ZNF451: variants seen among roughly 807,000 people sequenced by gnomAD.
The protein encoded by ZNF451 is zinc finger protein 451.
ZNF451 carries 80 observed loss-of-function variants against 107.1 expected under a neutral mutation model. The ratio of observed to expected loss-of-function variants is 0.75; its 90% CI spans 0.62 to 0.90. The LOEUF is 0.90. ZNF451 is among the 40% of genes least tolerant of loss of function. ZNF451 has a pLI of 0.00. For synonymous variants in ZNF451, 362 were observed against 406.5 expected (o/e 0.89, Z 1.32); for missense variants, 1,107 against 1,236.2 (o/e 0.90, Z 1.57).
chr6:57,122,569 T>C (rs892102759), intron 3 of ZNF451, among the ~76,000 whole-genome samples: 25 of 152,162 alleles, frequency 1.6e-4, no homozygotes, highest in Admixed American at 4.6e-4. Context: ...GCAAAGGCCA[T>C]GAACAGACAC....
intron 5 of ZNF451, among the ~76,000 whole-genome samples, chr6:57,132,691 G>GGAA (rs1831238486): frequency 6.6e-6 from 1 of 151,652 alleles, no homozygotes; most frequent in East Asian, 1.9e-4. Flanking sequence ...TAAAGAAAAG[G>GGAA]ATTTTTTTTC....
At position 57,133,242 on chromosome 6, in the gene ZNF451, A is replaced by G. The variant is rs764090548; in HGVS notation, c.575+50A>G. 4 of 1,543,068 alleles carry G rather than the reference A, an allele frequency of 2.6e-6. No individual in the cohort carries two copies. In the Admixed American group the frequency reaches 5.2e-5, roughly 20 times the overall value. Reference sequence around the variant, plus strand: ...AATGCTGAAGATCTAGTGAGCTACCAAGTGATTTCATAAAATGAAAGCGTA... The same window carrying G: ...AATGCTGAAGATCTAGTGAGCTACCGAGTGATTTCATAAAATGAAAGCGTA... On this transcript the variant is annotated intron_variant, in intron 6 of 14. Coordinates refer to ENST00000370706, the MANE Select transcript of ZNF451 (RefSeq NM_001031623.3).
chr6:57,099,725 A>G (rs1322504214), intron 3 of ZNF451: 1 of 498,918 alleles, frequency 2.0e-6, no homozygotes, highest in African/African-American at 1.9e-5. Flanking sequence ...CTGAGAATTG[A>G]ACTAGTTGAG....
At chr6:57,135,452 T>A (rs940148166) in intron 7 of ZNF451, among the ~76,000 whole-genome samples, 3 of 152,036 alleles carry the variant, frequency 2.0e-5, no homozygotes, top group African/African-American at 4.8e-5. Flanking sequence ...TTATGAAAAA[T>A]TTTTAAAATA....
chr6:57,154,441 A>G (rs879164601), intron 13 of ZNF451: 24 of 296,748 alleles, frequency 8.1e-5, no homozygotes, highest in African/African-American at 4.6e-4. Context: ...CCAGAAAGCA[A>G]TAACAAAGGT....
At chr6:57,128,669 T>C (rs1831039687) in intron 4 of ZNF451, 60 bp from the exon 5 acceptor site, 1 of 1,155,122 alleles carries the variant, frequency 8.7e-7, no homozygotes, top group Admixed American at 2.0e-5. Flanking sequence ...TGTGTCAAAA[T>C]CCTTTTCTCA....
intron 3 of ZNF451, chr6:57,114,779 G>C (rs1830284080): frequency 6.6e-6 from 1 of 152,056 alleles, no homozygotes; most frequent in African/African-American, 2.4e-5. Context: ...TCTTTGTATA[G>C]TCTTCTTCAT....
intron 3 of ZNF451, among the ~76,000 whole-genome samples, chr6:57,110,274 A>G (rs1483702542): frequency 6.6e-6 from 1 of 152,154 alleles, no homozygotes; most frequent in Non-Finnish European, 1.5e-5. Flanking sequence ...ATGATGATAA[A>G]TTATCTGTGA....
At position 57,124,225 on chromosome 6, in the gene ZNF451, T is replaced by C. The variant is rs1244930014; in HGVS notation, c.187-509T>C. ...ATCATGAGTGGGTGCTGGATTTTGTTAAATGCTTTTTCTGCATCTATTAAT... is the reference window on the plus strand; with the variant it reads ...ATCATGAGTGGGTGCTGGATTTTGTCAAATGCTTTTTCTGCATCTATTAAT... On this transcript the variant is annotated intron_variant, in intron 3 of 14. Coordinates refer to ENST00000370706, the MANE Select transcript of ZNF451 (RefSeq NM_001031623.3). Among the ~76,000 whole-genome samples, 5 of 152,302 alleles carry C rather than the reference T, an allele frequency of 3.3e-5. No individual in the cohort carries two copies. The East Asian group carries it at 7.7e-4, about 23-fold the overall frequency.
intron 5 of ZNF451, among the ~76,000 whole-genome samples, chr6:57,131,122 A>G (rs1024163300): frequency 3.9e-5 from 6 of 152,170 alleles, no homozygotes; most frequent in African/African-American, 9.7e-5. Context: ...CATTCAATCT[A>G]TTTCAAAATA....
chr6:57,122,362 C>A (rs2127957767), intron 3 of ZNF451, among the ~76,000 whole-genome samples: 1 of 152,082 alleles, frequency 6.6e-6, no homozygotes, highest in East Asian at 1.9e-4. Flanking sequence ...AGAACAAAAT[C>A]AAAAATAGAA....
At position 57,133,143 on chromosome 6, in the gene ZNF451, T is replaced by C; in HGVS notation, c.526T>C (p.Cys176Arg). The C allele has an allele frequency of 1.2e-6, 2 of 1,614,122 alleles. No individual in the cohort carries two copies. Among genetic ancestry groups the C allele is most frequent in the Non-Finnish European group, 8.5e-7 (1 of 1,179,974 alleles). ...GKPILCPIMH[C>R]NKEFDNGHLL... ...ACCAATTTTATGTCCTATAATGCAC[T>C]GTAACAAGGAGTTTGACAATGGGCA... is the stretch of plus-strand genomic sequence containing the variant. Residue 176 changes from cysteine to arginine, a missense_variant, in exon 6 of 15, where the codon TGT becomes CGT. Cys to Arg is a radical substitution (Grantham distance 180). Around this residue, in one of 5 missense-constraint regions of ZNF451, gnomAD observed 339 missense variants for 372.8 expected, o/e 0.91. Coordinates refer to ENST00000370706, the MANE Select transcript of ZNF451 (RefSeq NM_001031623.3).
chr6:57,130,687 C>T (rs1055155636), intron 5 of ZNF451, among the ~76,000 whole-genome samples: 4 of 152,128 alleles, frequency 2.6e-5, no homozygotes, highest in African/African-American at 9.7e-5. Flanking sequence ...TATTATAATG[C>T]ATTGTAAAAT....
Position 57,138,704 on chromosome 6 carries a change from CATATATAT to C in ZNF451, c.703-2567_703-2560del, listed in dbSNP as rs60629541. Among the ~76,000 whole-genome samples, 348 of 43,718 alleles carry C rather than the reference CATATATAT, an allele frequency of 8.0e-3. 3 individuals carry two copies. The highest frequency in any genetic ancestry group is 0.028 in the Middle Eastern group (1 of 36). The allele number at this position is 43,718 out of a possible 152,430, so 28.7% of individuals were successfully genotyped here. ...TTGTAGAATGTATTTGCAGCTATGC[CATATATAT>C]ATATATATATATATATATATATATA... On this transcript the variant is annotated intron_variant, in intron 7 of 14. Transcript: ENST00000370706.
At chr6:57,118,505 T>C (rs1034910941) in intron 3 of ZNF451, among the ~76,000 whole-genome samples, 38 of 152,138 alleles carry the variant, frequency 2.5e-4, no homozygotes, top group Admixed American at 2.2e-3. Context: ...TTTCTCCCCC[T>C]TTTTTTAGAA....
At chr6:57,151,137 G>T in intron 11 of ZNF451, 2 of 250,284 alleles carry the variant, frequency 8.0e-6, no homozygotes, top group Non-Finnish European at 1.5e-5. Context: ...TGAGGCGGAC[G>T]GATCACGAGG....
intron 9 of ZNF451, among the ~76,000 whole-genome samples, chr6:57,142,712 T>A (rs1831832409): frequency 6.6e-6 from 1 of 152,182 alleles, no homozygotes; most frequent in South Asian, 2.1e-4. Context: ...TGGATGGACA[T>A]TGAAAAGTGG....
At chr6:57,096,176 GTTTTTTTTTTT>G (rs749589304) in intron 2 of ZNF451, among the ~76,000 whole-genome samples, 9 of 58,464 alleles carry the variant, frequency 1.5e-4, no homozygotes, top group East Asian at 5.5e-4. Flanking sequence ...CTTTCTTTCT[GTTTTTTTTTTT>G]TTTTTTTTTT....
chr6:57,107,158 A>T lies in ZNF451; in HGVS notation c.186+8017A>T, dbSNP rs368203168. 2.3e-5 allele frequency: 23 copies of T among 985,346 alleles called. No individual in the cohort carries two copies. The East Asian group carries it at 2.5e-3, about 107-fold the overall frequency. The allele number at this position is 985,346 out of a possible 1,614,324, so 61.0% of individuals were successfully genotyped here. On this transcript the variant is annotated intron_variant, in intron 3 of 14. Transcript: ENST00000370706. ...ATCTGGAAGTGGTCATAGTCCAACC[A>T]TGTCCTTTTGATGTTGTTAGCATAT... is the stretch of plus-strand genomic sequence containing the variant.
Sources: gnomAD v4.1 joint callset for allele counts (sites outside exome capture counted in the v4.1 genomes callset) on GRCh38, gnomAD v4.1.1 for gene constraint, gnomAD v4.1.1 regional missense constraint, MANE v1.5 for transcripts, NCBI Gene and HGNC (gene_info 2026-07-23, HGNC 2026-07-21) for gene names.